Variants in CCDC191 observed in about 807,000 individuals in gnomAD.
CCDC191 encodes the protein coiled-coil domain containing 191.
A neutral mutation model predicts 114.0 loss-of-function variants in CCDC191; 99 were observed. The ratio of observed to expected loss-of-function variants is 0.87; its 90% CI spans 0.74 to 1.03. The LOEUF is 1.03. Among genes scored for constraint, CCDC191 ranks in the 50% least tolerant of loss-of-function variants. CCDC191 has a pLI of 0.00. For missense variants in CCDC191, 973 were observed against 1,087.0 expected (o/e 0.90, Z 1.47); for synonymous variants, 351 against 376.0 (o/e 0.93, Z 0.77).
At chr3:114,026,185 A>G (rs986991337) in intron 7 of CCDC191, among the ~76,000 whole-genome samples, 3 of 152,244 alleles carry the variant, frequency 2.0e-5, no homozygotes, top group Non-Finnish European at 2.9e-5. Flanking sequence ...AATGCAAAAC[A>G]CTAGCACAAT....
chr3:114,022,883 A>G (rs1311472722), intron 7 of CCDC191, among the ~76,000 whole-genome samples: 1 of 152,158 alleles, frequency 6.6e-6, no homozygotes, highest in African/African-American at 2.4e-5. Context: ...AGAAGGAAAT[A>G]AAGGGTATTC....
intron 7 of CCDC191, among the ~76,000 whole-genome samples, chr3:114,027,468 G>C (rs1020691324): frequency 5.9e-5 from 9 of 151,310 alleles, no homozygotes; most frequent in Non-Finnish European, 1.2e-4. Context: ...ACAAAAATTA[G>C]CTGGGTGTGG....
At chr3:113,965,839 C>A (rs1448517485) in intron 16 of CCDC191, among the ~76,000 whole-genome samples, 2 of 152,036 alleles carry the variant, frequency 1.3e-5, no homozygotes, top group African/African-American at 4.8e-5. Flanking sequence ...AAGTGATCTG[C>A]CTGCCTTGGC....
intron 3 of CCDC191, 21 bp downstream of exon 3, chr3:114,046,570 G>T: frequency 7.3e-7 from 1 of 1,366,288 alleles, no homozygotes; most frequent in Non-Finnish European, 1.0e-6. Flanking sequence ...TAACATCGCA[G>T]CAGAAAATGC....
At chr3:114,026,829 A>T (rs912402316) in intron 7 of CCDC191, among the ~76,000 whole-genome samples, 1 of 152,188 alleles carries the variant, frequency 6.6e-6, no homozygotes, top group African/African-American at 2.4e-5. Context: ...TTAACAGAAA[A>T]ATCCAACCAA....
chr3:114,036,089 G>A (rs2076479025), intron 5 of CCDC191, among the ~76,000 whole-genome samples: 1 of 152,028 alleles, frequency 6.6e-6, no homozygotes, highest in South Asian at 2.1e-4. Context: ...TTTTTTGCAA[G>A]AACCTACTAT....
chr3:113,978,653 G>T, intron 15 of CCDC191: 1 of 623,008 alleles, frequency 1.6e-6, no homozygotes, highest in Non-Finnish European at 2.7e-6. Context: ...TACACACTCC[G>T]TGAAACAAAC....
intron 13 of CCDC191, among the ~76,000 whole-genome samples, chr3:113,994,191 T>C (rs971406559): frequency 5.9e-5 from 9 of 152,140 alleles, no homozygotes; most frequent in Non-Finnish European, 1.2e-4. Context: ...ATGAAGAACT[T>C]TTAAAACCCA....
Position 114,004,727 on chromosome 3 carries a change from CA to C in CCDC191, c.1887del (p.Thr631LeufsTer21). 2 of 1,610,660 alleles carry C rather than the reference CA, an allele frequency of 1.2e-6. No homozygotes were observed. The highest frequency in any genetic ancestry group is 1.7e-6 in the Non-Finnish European group (2 of 1,178,780). Reference protein sequence around the residue: ...QMLVNSPVASPGTEGRSDSRN... With the variant: ...QMLVNSPVASXGTEGRSDSRN... ...CGGGAGTCACTTCTGCCTTCAGTCC[CA>C]GGGGAAGCAACAGGTGAACTAGGGA... On this transcript the variant is annotated frameshift_variant, in exon 11 of 17. Transcript: ENST00000295878. LOFTEE classifies it high-confidence loss of function.
intron 13 of CCDC191, 132 bp downstream of exon 13, chr3:114,001,463 T>C (rs554433042): frequency 5.4e-6 from 7 of 1,291,050 alleles, no homozygotes; most frequent in African/African-American, 3.0e-5. Flanking sequence ...CTAAGTAAGA[T>C]AGAGAAAAGA....
chr3:113,981,643 G>A (rs72954697), intron 13 of CCDC191, among the ~76,000 whole-genome samples: 5,590 of 152,110 alleles, frequency 0.037, 332 homozygotes, highest in African/African-American at 0.13. Context: ...TACTTCATAC[G>A]ATTTCACATT....
At chr3:114,031,939 CTTATT>C (rs1206241595) in intron 6 of CCDC191, among the ~76,000 whole-genome samples, 160 bp from the exon 7 acceptor site, 1 of 152,004 alleles carries the variant, frequency 6.6e-6, no homozygotes, top group Non-Finnish European at 1.5e-5. Context: ...TTTTTGGAGA[CTTATT>C]TTATTCCTTT....
rs1559903359 is a variant in CCDC191 at position 114,006,619 on chromosome 3, A to ATATATATATATATATAT, written c.1414-658_1414-657insATATATATATATATATA. On this transcript the variant is annotated intron_variant, in intron 9 of 16. Coordinates refer to ENST00000295878, the MANE Select transcript of CCDC191 (RefSeq NM_020817.2). ...ATATATATATATATATATATATATA[A>ATATATATATATATATAT]ATATATATATTTTATATATAAAAAA... Among the ~76,000 whole-genome samples the ATATATATATATATATAT allele has an allele frequency of 1.2e-3, 114 of 92,490 alleles. 1 individual carries two copies. The highest frequency in any genetic ancestry group is 4.6e-3 in the African/African-American group (110 of 23,896). The allele number at this position is 92,490 out of a possible 152,430, so 60.7% of individuals were successfully genotyped here. A position where few individuals can be genotyped will look rare whatever the true frequency, so the allele number is the denominator to read the frequency against.
intron 7 of CCDC191, among the ~76,000 whole-genome samples, chr3:114,019,500 C>T (rs1404127340): frequency 1.3e-5 from 2 of 152,148 alleles, no homozygotes; most frequent in Non-Finnish European, 2.9e-5. Flanking sequence ...CTAAGGATGT[C>T]CCCAAAGCAG....
Position 114,002,468 on chromosome 3 carries a change from T to C in CCDC191, c.2049A>G (p.Glu683=). Residue 683 remains glutamate (E), a synonymous_variant, in exon 12 of 17, where the codon GAA becomes GAG. Transcript: ENST00000295878. ...RILAEKKKKQ[E]EEKLAQLKAQ... is the part of the protein sequence containing the mutation. ...TTGAATCTATTACCAATTTTTCTTC[T>C]TCTTGTTTTTTCTTCTTCTCTGCCA... The C allele has an allele frequency of 6.2e-7, 1 of 1,609,256 alleles. No homozygotes were observed. The highest frequency in any genetic ancestry group is 2.2e-5 in the East Asian group (1 of 44,688).
chr3:114,045,384 T>G (rs2076615614), intron 3 of CCDC191, among the ~76,000 whole-genome samples: 1 of 152,160 alleles, frequency 6.6e-6, no homozygotes, highest in African/African-American at 2.4e-5. Flanking sequence ...TATTTGTTTA[T>G]TTATTGAGAT....
intron 2 of CCDC191, among the ~76,000 whole-genome samples, chr3:114,049,047 G>C (rs551572516): frequency 6.6e-6 from 1 of 152,310 alleles, no homozygotes; most frequent in Admixed American, 6.5e-5. Flanking sequence ...AAATTCTTGT[G>C]CGTTTCATAC....
In CCDC191 at chr3:114,005,981, T is replaced by G; in HGVS notation, c.1414-19A>C. ...CAGTCTCCTGAGAGAGAGAAACATG[T>G]TATAGCTCAACTATTTAAAGGACTG... is the stretch of plus-strand genomic sequence containing the variant. On this transcript the variant is annotated intron_variant, in intron 9 of 16. Coordinates refer to ENST00000295878, the MANE Select transcript of CCDC191 (RefSeq NM_020817.2). The G allele has an allele frequency of 6.3e-7, 1 of 1,594,428 alleles. No homozygotes were observed. Among genetic ancestry groups the G allele is most frequent in the Non-Finnish European group, 8.6e-7 (1 of 1,162,922 alleles).
intron 13 of CCDC191, among the ~76,000 whole-genome samples, chr3:113,988,564 T>C (rs918005801): frequency 1.4e-5 from 2 of 143,636 alleles, no homozygotes; most frequent in Non-Finnish European, 3.0e-5. Context: ...AGGCAGAGGT[T>C]GTGGTGAGCA....
Sources: allele counts gnomAD v4.1 joint callset (sites outside exome capture counted in the v4.1 genomes callset), GRCh38; gene constraint gnomAD v4.1.1; transcripts MANE v1.5; gene names NCBI Gene and HGNC (gene_info 2026-07-23, HGNC 2026-07-21).